Variants in FAM13C observed in about 807,000 individuals in gnomAD.
The protein encoded by FAM13C is family with sequence similarity 13 member C.
A neutral mutation model predicts 73.2 loss-of-function variants in FAM13C; 37 were observed. The ratio of observed to expected loss-of-function variants is 0.51; its 90% CI spans 0.39 to 0.67. The LOEUF (loss-of-function observed/expected upper bound fraction) is 0.67. FAM13C is among the 30% of genes least tolerant of loss of function. FAM13C has a pLI of 0.00. For missense variants in FAM13C, 589 were observed against 715.6 expected (o/e 0.82, Z 2.02); for synonymous variants, 246 against 260.9 (o/e 0.94, Z 0.55).
intron 5 of FAM13C, among the ~76,000 whole-genome samples, chr10:59,301,894 T>C (rs1230314253): frequency 6.6e-6 from 1 of 152,248 alleles, no homozygotes; most frequent in Admixed American, 6.5e-5. Flanking sequence ...GCTATTTATT[T>C]CTACCAAGTT....
chr10:59,257,848 A>C (rs1225007241), intron 10 of FAM13C, among the ~76,000 whole-genome samples: 1 of 152,202 alleles, frequency 6.6e-6, no homozygotes, highest in South Asian at 2.1e-4. Context: ...AAAACTTATA[A>C]ACTGTTTTTA....
Position 59,247,652 on chromosome 10 carries a change from C to A in FAM13C, c.1720G>T (p.Val574Phe). ...GCCACATCTTGCTTGCTGATGAGGA[C>A]CTCTAATAGTCTCAGTTTGGCTTTT... ...HIKAKLRLLE[V>F]LISKQDVAKT... Residue 574 changes from valine (V) to phenylalanine (F), a missense_variant, in exon 14 of 14, where the codon GTC becomes TTC. Val to Phe is a conservative substitution (Grantham distance 50, BLOSUM62 -1). Transcript: ENST00000618804. 1 of 1,613,390 alleles carries A rather than the reference C, an allele frequency of 6.2e-7. No individual in the cohort carries two copies. The highest frequency in any genetic ancestry group is 8.5e-7 in the Non-Finnish European group (1 of 1,179,646).
intron 10 of FAM13C, 91 bp downstream of exon 10, chr10:59,262,343 G>A: frequency 3.4e-6 from 4 of 1,183,462 alleles, no homozygotes; most frequent in Non-Finnish European, 1.2e-6. Context: ...AAATATTGAT[G>A]TAATGGCAAA....
chr10:59,318,936 A>G (rs1392922424), intron 4 of FAM13C, among the ~76,000 whole-genome samples: 1 of 152,106 alleles, frequency 6.6e-6, no homozygotes, highest in Non-Finnish European at 1.5e-5. Flanking sequence ...AAGAAGGGAG[A>G]TATGTCTTTT....
At chr10:59,317,286 G>A (rs971789726) in intron 4 of FAM13C, among the ~76,000 whole-genome samples, 33 of 152,072 alleles carry the variant, frequency 2.2e-4, no homozygotes, top group African/African-American at 7.7e-4. Context: ...AGTCGCCTCA[G>A]GCACACTGAA....
At chr10:59,362,254 A>G in intron 1 of FAM13C, 145 bp downstream of exon 1, 1 of 1,134,996 alleles carries the variant, frequency 8.8e-7, no homozygotes, top group Non-Finnish European at 1.2e-6. Flanking sequence ...ACCAGTCAGC[A>G]CGTCTCACGG....
intron 6 of FAM13C, among the ~76,000 whole-genome samples, chr10:59,270,603 A>G (rs1292900131): frequency 2.0e-5 from 3 of 152,174 alleles, no homozygotes; most frequent in Non-Finnish European, 4.4e-5. Context: ...AAAGAAAATT[A>G]TTCAGCAATC....
intron 3 of FAM13C, chr10:59,327,670 C>T (rs914554329): frequency 6.6e-6 from 1 of 150,546 alleles, no homozygotes; most frequent in South Asian, 2.1e-4. Context: ...TCGGCTGTAA[C>T]ATTCGGCTCA....
intron 4 of FAM13C, among the ~76,000 whole-genome samples, chr10:59,317,943 G>A (rs1161441484): frequency 6.7e-6 from 1 of 148,940 alleles, no homozygotes; most frequent in East Asian, 2.0e-4. Flanking sequence ...CCCTTCCTGT[G>A]TCCATGTGTT....
chr10:59,283,888 C>T (rs1346962517), intron 5 of FAM13C, among the ~76,000 whole-genome samples: 1 of 152,152 alleles, frequency 6.6e-6, no homozygotes, highest in Non-Finnish European at 1.5e-5. Flanking sequence ...AGGTCCCTCC[C>T]TGGCTACCGT....
At chr10:59,345,978 C>T (rs951875548) in intron 3 of FAM13C, among the ~76,000 whole-genome samples, 1 of 152,044 alleles carries the variant, frequency 6.6e-6, no homozygotes. Context: ...AGAATAGAGC[C>T]CTCAAAGCCA....
chr10:59,350,106 CT>C (rs1309708614), intron 3 of FAM13C, among the ~76,000 whole-genome samples: 1 of 152,164 alleles, frequency 6.6e-6, no homozygotes, highest in Non-Finnish European at 1.5e-5. Flanking sequence ...CAACAAATGT[CT>C]TGCTTGGAAT....
rs1053774827 is a variant in FAM13C, at chr10:59,246,878, C to T, written c.*736G>A. 5 of 359,282 alleles carry T rather than the reference C, an allele frequency of 1.4e-5. No homozygotes were observed. Among genetic ancestry groups the T allele is most frequent in the African/African-American group, 1.0e-4 (5 of 47,866 alleles). The allele number at this position is 359,282 out of a possible 1,614,324, so 22.3% of individuals were successfully genotyped here. ...ACAGACACATATCTATCCAAAATAC[C>T]TATTTTAAATTTTTAATACAATATT... is the stretch of plus-strand genomic sequence containing the variant. On this transcript the variant is annotated 3_prime_UTR_variant, in exon 14 of 14. Coordinates refer to ENST00000618804, the MANE Select transcript of FAM13C (RefSeq NM_198215.4).
chr10:59,319,072 A>AAC (rs59965630), intron 4 of FAM13C, among the ~76,000 whole-genome samples: 16,051 of 134,484 alleles, frequency 0.12, 962 homozygotes, highest in Non-Finnish European at 0.14. Flanking sequence ...TAGCTATTCA[A>AAC]ACACACACAC....
intron 8 of FAM13C, among the ~76,000 whole-genome samples, chr10:59,264,387 T>TA (rs1188499750): frequency 6.6e-6 from 1 of 152,216 alleles, no homozygotes; most frequent in Non-Finnish European, 1.5e-5. Context: ...TGACCTCCTC[T>TA]ACTCTTTAAT....
chr10:59,323,070 C>G (rs1850541248), intron 4 of FAM13C, among the ~76,000 whole-genome samples: 1 of 152,212 alleles, frequency 6.6e-6, no homozygotes, highest in South Asian at 2.1e-4. Flanking sequence ...CTGCATAGCA[C>G]AGCCAATCTT....
At chr10:59,250,349 T>TA (rs1564471512) in intron 13 of FAM13C, among the ~76,000 whole-genome samples, 1 of 152,346 alleles carries the variant, frequency 6.6e-6, no homozygotes, top group East Asian at 1.9e-4. Context: ...CTTTATATTC[T>TA]AAATTTATGA....
chr10:59,328,771 C>G (rs1851520498), intron 3 of FAM13C, among the ~76,000 whole-genome samples: 1 of 152,212 alleles, frequency 6.6e-6, no homozygotes, highest in Non-Finnish European at 1.5e-5. Flanking sequence ...GTAGCTTAAT[C>G]ACTCTATTGT....
intron 3 of FAM13C, among the ~76,000 whole-genome samples, chr10:59,348,554 T>C (rs1854609834): frequency 6.6e-6 from 1 of 152,250 alleles, no homozygotes; most frequent in South Asian, 2.1e-4. Context: ...CATTTGAATC[T>C]AGCTACATCT....
Sources: gnomAD v4.1 joint callset for allele counts (sites outside exome capture counted in the v4.1 genomes callset) on GRCh38, gnomAD v4.1.1 for gene constraint, MANE v1.5 for transcripts, NCBI Gene and HGNC (gene_info 2026-07-23, HGNC 2026-07-21) for gene names.